Variants in WDR41 observed in about 807,000 individuals in gnomAD.
WDR41 encodes the protein WD repeat domain 41.
In WDR41, 63 loss-of-function variants were observed where a neutral mutation model predicts 69.3. That is an observed-to-expected ratio of 0.91 (90% CI 0.74 to 1.12). The LOEUF (loss-of-function observed/expected upper bound fraction) is 1.12. WDR41 is among the 50% of genes most tolerant of loss of function. The pLI, the probability that WDR41 is intolerant of heterozygous loss-of-function variation, is 0.00. For synonymous variants in WDR41, 185 were observed against 192.1 expected (o/e 0.96, Z 0.31); for missense variants, 543 against 534.5 (o/e 1.02, Z -0.16).
At chr5:77,441,542 C>T (rs1799166894) in intron 8 of WDR41, among the ~76,000 whole-genome samples, 1 of 152,048 alleles carries the variant, frequency 6.6e-6, no homozygotes, top group African/African-American at 2.4e-5. Flanking sequence ...AGTTCGAGAC[C>T]AGCCTGACCA....
intron 1 of WDR41, among the ~76,000 whole-genome samples, chr5:77,575,053 T>A (rs982060801): frequency 7.3e-5 from 11 of 151,028 alleles, no homozygotes; most frequent in East Asian, 5.8e-4. Context: ...TCAGAAAATT[T>A]AAAAAAAAAC....
intron 2 of WDR41, among the ~76,000 whole-genome samples, chr5:77,474,298 G>C (rs900906694): frequency 7.9e-5 from 12 of 151,988 alleles, no homozygotes. Context: ...GGTGGGGGGA[G>C]TGGGGAGGGA....
chr5:77,474,962 C>T (rs548462866), intron 2 of WDR41, among the ~76,000 whole-genome samples: 1 of 152,292 alleles, frequency 6.6e-6, no homozygotes, highest in Admixed American at 6.5e-5. Context: ...GGTGCGTGCA[C>T]CGTGCGCGAG....
chr5:77,467,351 G>T (rs1800351585), intron 2 of WDR41, among the ~76,000 whole-genome samples: 1 of 151,944 alleles, frequency 6.6e-6, no homozygotes, highest in Non-Finnish European at 1.5e-5. Context: ...TTCCGTGCTA[G>T]GAGTTAGGGA....
intron 1 of WDR41, among the ~76,000 whole-genome samples, chr5:77,504,021 A>G (rs916694169): frequency 2.6e-5 from 4 of 152,164 alleles, no homozygotes; most frequent in Non-Finnish European, 5.9e-5. Flanking sequence ...AGAAATGACT[A>G]AGATCAGAGC....
chr5:77,431,109 A>G lies in WDR41; in HGVS notation c.*2026T>C, dbSNP rs887633401. The G allele has an allele frequency of 2.6e-5, 4 of 152,212 alleles. No homozygotes were observed. The East Asian group carries it at 7.7e-4, about 29-fold the overall frequency. 9.4% of individuals were successfully genotyped at this position (152,212 alleles called of 1,614,324 possible). ...ACTTAGTTCATAAAGGAGCATCAGG[A>G]TTTGAGATGACAGACTCTAAATTTT... On this transcript the variant is annotated 3_prime_UTR_variant, in exon 13 of 13. Transcript: ENST00000296679.
intron 4 of WDR41, among the ~76,000 whole-genome samples, chr5:77,461,068 T>C (rs1391522623): frequency 3.3e-5 from 5 of 152,208 alleles, no homozygotes. Context: ...CTAACTTCTG[T>C]ATGTAATTTT....
At chr5:77,470,434 A>C (rs1490323067) in intron 2 of WDR41, among the ~76,000 whole-genome samples, 1 of 152,150 alleles carries the variant, frequency 6.6e-6, no homozygotes, top group Non-Finnish European at 1.5e-5. Context: ...AACAATATTA[A>C]CCTTAAATGT....
intron 1 of WDR41, among the ~76,000 whole-genome samples, chr5:77,598,582 C>A (rs549467881): frequency 6.6e-6 from 1 of 151,644 alleles, no homozygotes; most frequent in East Asian, 1.9e-4. Context: ...AACACTTGAG[C>A]TCCAATCAAG....
At chr5:77,528,415 C>T (rs1321674847) in intron 1 of WDR41, among the ~76,000 whole-genome samples, 1 of 151,664 alleles carries the variant, frequency 6.6e-6, no homozygotes, top group African/African-American at 2.4e-5. Flanking sequence ...AAGGAAGCTT[C>T]AGGCCAGGTG....
At position 77,591,707 on chromosome 5, in the gene WDR41, G is replaced by A. The variant is rs1009743163; in HGVS notation, c.42+28772C>T. Among the ~76,000 whole-genome samples, 12 of 151,914 alleles carry A rather than the reference G, an allele frequency of 7.9e-5. No individual in the cohort carries two copies. In the South Asian group the frequency reaches 8.3e-4, roughly 10 times the overall value. On this transcript the variant is annotated intron_variant, in intron 1 of 5. Coordinates refer to the WDR41 transcript ENST00000509971. Reference sequence around the variant, plus strand: ...TTTCCAAATGTTTGGGGGTTTACTCGTTTTTCTGTTATTGAATTCTACTTT... The same window carrying A: ...TTTCCAAATGTTTGGGGGTTTACTCATTTTTCTGTTATTGAATTCTACTTT...
chr5:77,455,282 T>C (rs1799781576), intron 5 of WDR41, among the ~76,000 whole-genome samples: 1 of 152,268 alleles, frequency 6.6e-6, no homozygotes, highest in Non-Finnish European at 1.5e-5. Flanking sequence ...GTTTATCTTC[T>C]TTGGAGAAAT....
At chr5:77,572,557 C>T (rs1743751702) in intron 1 of WDR41, among the ~76,000 whole-genome samples, 1 of 152,132 alleles carries the variant, frequency 6.6e-6, no homozygotes, top group South Asian at 2.1e-4. Context: ...AGACATTTCC[C>T]AATGACAATT....
chr5:77,607,118 C>T (rs1007505169), intron 1 of WDR41, among the ~76,000 whole-genome samples: 5 of 151,864 alleles, frequency 3.3e-5, no homozygotes, highest in African/African-American at 9.7e-5. Flanking sequence ...AACAATAAGG[C>T]TCTGAATTAG....
At chr5:77,564,203 C>T (rs1049209344) in intron 1 of WDR41, among the ~76,000 whole-genome samples, 1 of 152,134 alleles carries the variant, frequency 6.6e-6, no homozygotes, top group African/African-American at 2.4e-5. Context: ...CACATCTCTG[C>T]CATTTCAACT....
chr5:77,594,253 C>G (rs1156329840), intron 1 of WDR41, among the ~76,000 whole-genome samples: 4 of 104,264 alleles, frequency 3.8e-5, no homozygotes, highest in African/African-American at 1.6e-4. Context: ...CATCACACAC[C>G]GGGGCCTGTT....
At chr5:77,570,321 A>G (rs1743712846) in intron 1 of WDR41, among the ~76,000 whole-genome samples, 2 of 151,746 alleles carry the variant, frequency 1.3e-5, no homozygotes, top group Non-Finnish European at 2.9e-5. Context: ...CCTATTTATT[A>G]TTTACTATTA....
chr5:77,449,694 G>A (rs918324658), intron 8 of WDR41, 66 bp downstream of exon 8: 34 of 1,001,302 alleles, frequency 3.4e-5, no homozygotes, highest in African/African-American at 9.8e-5. Flanking sequence ...AGCAAGGCTC[G>A]TGTTCAGAGC....
intron 5 of WDR41, 109 bp downstream of exon 5, chr5:77,458,953 A>G: frequency 1.4e-6 from 1 of 734,972 alleles, no homozygotes; most frequent in Non-Finnish European, 2.3e-6. Flanking sequence ...GTGTGTGGAA[A>G]GAAATAATTC....
Sources: gnomAD v4.1 joint callset for allele counts (sites outside exome capture counted in the v4.1 genomes callset) on GRCh38, gnomAD v4.1.1 for gene constraint, MANE v1.5 for transcripts, NCBI Gene and HGNC (gene_info 2026-07-23, HGNC 2026-07-21) for gene names.